Variants in TRIM26 observed in about 807,000 individuals in gnomAD.
The protein encoded by TRIM26 is tripartite motif-containing protein 26.
In TRIM26, 16 loss-of-function variants were observed where a neutral mutation model predicts 45.5. That is an observed-to-expected ratio of 0.35 (90% CI 0.24 to 0.53). The LOEUF is 0.53. Ranked by LOEUF, TRIM26 falls within the 20% of genes least tolerant of loss-of-function variation. The probability of loss-of-function intolerance (pLI) is 0.92; values close to 1 mark genes in which losing one functional copy is unlikely to be tolerated. For missense variants in TRIM26, 442 were observed against 691.1 expected, an observed-to-expected ratio of 0.64 and a Z score of 4.04; for synonymous variants, 273 against 290.4, an observed-to-expected ratio of 0.94 and a Z score of 0.61.
chr6:30,209,279 T>C lies in TRIM26; in HGVS notation c.-376+4026A>G, dbSNP rs1228467775. Among the ~76,000 whole-genome samples the C allele has an allele frequency of 1.3e-5, 2 of 152,200 alleles. No homozygotes were observed. The highest frequency in any genetic ancestry group is 2.4e-5 in the African/African-American group (1 of 41,444). ...TTTAGCATCTCTGAAATGTGATCAA[T>C]TGCATGTCATAATTTAACTGGCAAA... is the stretch of plus-strand genomic sequence containing the variant. On this transcript the variant is annotated intron_variant, in intron 1 of 9. Transcript: ENST00000454678. The surrounding 1 kb of genome is among the most constrained non-coding windows in gnomAD (Gnocchi z 4.8).
intron 6 of TRIM26, among the ~76,000 whole-genome samples, chr6:30,193,193 T>TTC (rs1554201700): frequency 0.084 from 5,603 of 67,052 alleles, 437 homozygotes; most frequent in Non-Finnish European, 0.12. Context: ...TTTTTTTTTT[T>TTC]TTTTTTTTAA....
At chr6:30,188,411 G>A (rs1024990270) in intron 9 of TRIM26, 5 of 307,570 alleles carry the variant, frequency 1.6e-5, no homozygotes, top group Non-Finnish European at 2.6e-5. Context: ...GACAGAGTGG[G>A]ATAATCCTCA....
At chr6:30,188,436 G>T in intron 9 of TRIM26, 1 of 274,208 alleles carries the variant, frequency 3.6e-6, no homozygotes, top group Non-Finnish European at 7.5e-6. Flanking sequence ...CATCCTCATA[G>T]GATTCTCTAT....
At chr6:30,199,641 GT>G (rs376808494) in intron 3 of TRIM26, among the ~76,000 whole-genome samples, 30,691 of 139,990 alleles carry the variant, frequency 0.22, 3,250 homozygotes, top group African/African-American at 0.32. Flanking sequence ...TTTTTTTTTG[GT>G]TTTTTTTTTT....
rs371459188 is a variant in TRIM26 at position 30,198,973 on chromosome 6, C to T, written c.131G>A (p.Arg44His). 3.1e-6 allele frequency: 5 copies of T among 1,612,620 alleles called. No individual in the cohort carries two copies. Among genetic ancestry groups the T allele is most frequent in the South Asian group, 2.2e-5 (2 of 91,044 alleles). Residue 44 changes from arginine to histidine, a missense_variant, in exon 4 of 10, where the codon CGC becomes CAC. Transcript: ENST00000454678. This position sits in a 1 kb window ranked among gnomAD's most constrained non-coding sequence, Gnocchi z 6.3. The stretch of plus-strand genomic sequence containing the variant: ...GACGGGGCGGCTCCCTGAGATGGGG[C>T]GGACGTCTGTGGTGCAGCTGCGGCA... Reference protein sequence around the residue: ...VFCRSCTTDVRPISGSRPVCP... With the variant: ...VFCRSCTTDVHPISGSRPVCP...
At chr6:30,211,670 T>C (rs1260634701) in intron 1 of TRIM26, among the ~76,000 whole-genome samples, 4 of 152,158 alleles carry the variant, frequency 2.6e-5, no homozygotes, top group Admixed American at 1.3e-4. Context: ...AGTGTCTCAT[T>C]AGCAAAAAGC....
In TRIM26 at chr6:30,196,411, A is replaced by G; in HGVS notation, c.765+105T>C. On this transcript the variant is annotated intron_variant, in intron 6 of 9. Coordinates refer to ENST00000454678, the MANE Select transcript of TRIM26 (RefSeq NM_003449.5). This position sits in a 1 kb window ranked among gnomAD's most constrained non-coding sequence, Gnocchi z 4.9. ...AAGGATTATCATCTCCATGTTTCAG[A>G]TGACAAAACTGAGCCCCCAAGTCTT... The G allele has an allele frequency of 9.1e-7, 1 of 1,093,280 alleles. No individual in the cohort carries two copies. The highest frequency in any genetic ancestry group is 1.3e-6 in the Non-Finnish European group (1 of 758,806). The allele number at this position is 1,093,280 out of a possible 1,614,324, so 67.7% of individuals were successfully genotyped here. A position where few individuals can be genotyped will look rare whatever the true frequency, so the allele number is the denominator to read the frequency against.
chr6:30,195,618 T>G (rs1338717866), intron 6 of TRIM26, among the ~76,000 whole-genome samples: 3 of 152,078 alleles, frequency 2.0e-5, no homozygotes, highest in Admixed American at 6.5e-5. Flanking sequence ...TCTGTCCCAG[T>G]GCACATACTG....
Position 30,196,755 on chromosome 6 carries a change from G to A in TRIM26, c.535-9C>T, listed in dbSNP as rs773823748. 1.2e-6 allele frequency: 2 copies of A among 1,613,694 alleles called. No homozygotes were observed. Among genetic ancestry groups the A allele is most frequent in the African/African-American group, 2.7e-5 (2 of 74,932 alleles). On this transcript the variant is annotated splice_polypyrimidine_tract_variant and intron_variant, in intron 5 of 9. Coordinates refer to ENST00000454678, the MANE Select transcript of TRIM26 (RefSeq NM_003449.5). The surrounding 1 kb of genome is among the most constrained non-coding windows in gnomAD (Gnocchi z 4.9). ...TGGTCCTGGAGCTTCTTCTGCAGGGGGCAGGAAGGGGAGAAGGGCTGACAC... is the reference window on the plus strand; with the variant it reads ...TGGTCCTGGAGCTTCTTCTGCAGGGAGCAGGAAGGGGAGAAGGGCTGACAC...
At position 30,189,270 on chromosome 6, in the gene TRIM26, A is replaced by T. The variant is rs769484876; in HGVS notation, c.905-71T>A. ...TGAGCCCATTTCTTGCTCGGGCAGT[A>T]TCAATTTCCTGATAGGGATCCATGT... On this transcript the variant is annotated intron_variant, in intron 8 of 9. Coordinates refer to ENST00000454678, the MANE Select transcript of TRIM26 (RefSeq NM_003449.5). This position sits in a 1 kb window ranked among gnomAD's most constrained non-coding sequence, Gnocchi z 5.0. 6 of 1,606,006 alleles carry T rather than the reference A, an allele frequency of 3.7e-6. No homozygotes were observed. Among genetic ancestry groups the T allele is most frequent in the Non-Finnish European group, 5.1e-6 (6 of 1,173,824 alleles).
chr6:30,198,698 C>T lies in TRIM26; in HGVS notation c.406G>A (p.Val136Ile), dbSNP rs142601029. The change falls in exon 4 of 10, where the codon GTC (valine) becomes ATC (isoleucine). Residue 136 changes from valine (V) to isoleucine (I), a missense_variant. Coordinates refer to ENST00000454678, the MANE Select transcript of TRIM26 (RefSeq NM_003449.5). This position sits in a 1 kb window ranked among gnomAD's most constrained non-coding sequence, Gnocchi z 6.3. ...ESREHRPHTA[V>I]LMEKAAQPHR... is the part of the protein sequence containing the mutation. ...GGCTGGGCGGCCTTCTCCATGAGGA[C>T]GGCCGTGTGGGGCCTGTGCTCCCGG... The T allele has an allele frequency of 0.01, 16,787 of 1,604,826 alleles. 831 individuals carry two copies. In the South Asian group the frequency reaches 0.12, roughly 11 times the overall value.
At chr6:30,213,185 CG>C (rs1166070887) in intron 1 of TRIM26, 119 bp downstream of exon 1, 7 of 152,428 alleles carry the variant, frequency 4.6e-5, no homozygotes, top group Non-Finnish European at 8.8e-5. Flanking sequence ...CTCCTGAGCC[CG>C]CCCGGGGGCC....
At chr6:30,204,862 C>T (rs1241747052) in intron 1 of TRIM26, 97 bp from the exon 2 acceptor site, 1 of 151,912 alleles carries the variant, frequency 6.6e-6, no homozygotes, top group Non-Finnish European at 1.5e-5. Flanking sequence ...GAATTCTGAA[C>T]CTGAAGAAGT....
Position 30,185,879 on chromosome 6 carries a change from G to A in TRIM26, c.1617C>T (p.Pro539=), listed in dbSNP as rs568654248. The A allele has an allele frequency of 3.5e-5, 57 of 1,609,938 alleles. No homozygotes were observed. The highest frequency in any genetic ancestry group is 4.8e-5 in the Non-Finnish European group (56 of 1,178,182). The stretch of plus-strand genomic sequence containing the variant: ...GGCTGGGGGCAGATGTCAGGGCTCA[G>A]GGTCTTAGCAGGAGGCGTGTTCCTG... ...KWPGTRLLLR[P] The change falls in exon 10 of 10, where the codon CCC becomes CCT. Residue 539 remains proline (P), a synonymous_variant. Transcript: ENST00000454678. This position sits in a 1 kb window ranked among gnomAD's most constrained non-coding sequence, Gnocchi z 5.7.
chr6:30,212,735 T>C (rs1287238541), intron 1 of TRIM26, among the ~76,000 whole-genome samples: 1 of 152,084 alleles, frequency 6.6e-6, no homozygotes, highest in East Asian at 1.9e-4. Flanking sequence ...AAATCGTGGG[T>C]CAAAATTTGA....
At chr6:30,188,770 C>T (rs1018601123) in intron 9 of TRIM26, among the ~76,000 whole-genome samples, 21 of 152,080 alleles carry the variant, frequency 1.4e-4, no homozygotes, top group African/African-American at 5.1e-4. Flanking sequence ...AACTGCAGGG[C>T]TGAGAGGGGG....
chr6:30,198,318 T>A lies in TRIM26; in HGVS notation c.534+111A>T. On this transcript the variant is annotated intron_variant, in intron 5 of 9. Coordinates refer to ENST00000454678, the MANE Select transcript of TRIM26 (RefSeq NM_003449.5). The surrounding 1 kb of genome is among the most constrained non-coding windows in gnomAD (Gnocchi z 6.3). ...GCTACTGCCAGGCTGACACCCATCC[T>A]CCCTGTGAGCAGCGCCTAGAAACAC... 1 of 1,166,212 alleles carries A rather than the reference T, an allele frequency of 8.6e-7. No individual in the cohort carries two copies. The highest frequency in any genetic ancestry group is 1.5e-5 in the African/African-American group (1 of 65,724). The allele number at this position is 1,166,212 out of a possible 1,614,324, so 72.2% of individuals were successfully genotyped here. A position where few individuals can be genotyped will look rare whatever the true frequency, so the allele number is the denominator to read the frequency against.
At chr6:30,188,857 A>C (rs1253129033) in intron 9 of TRIM26, among the ~76,000 whole-genome samples, 1 of 152,168 alleles carries the variant, frequency 6.6e-6, no homozygotes, top group Non-Finnish European at 1.5e-5. Context: ...TATAGGAGCC[A>C]TGCAGCCAGG....
intron 2 of TRIM26, 48 bp downstream of exon 2, chr6:30,204,608 A>C (rs2284169): frequency 0.16 from 24,508 of 152,144 alleles, 2,135 homozygotes; most frequent in East Asian, 0.23. Context: ...CAATTCTGTC[A>C]GGTCCAATGC....
Sources: gnomAD v4.1 joint callset for allele counts (sites outside exome capture counted in the v4.1 genomes callset) on GRCh38, gnomAD v4.1.1 for gene constraint, Gnocchi (gnomAD v3.1) non-coding constraint, MANE v1.5 for transcripts, NCBI Gene and HGNC (gene_info 2026-07-23, HGNC 2026-07-21) for gene names.